IQGAP2: variants seen among roughly 807,000 people sequenced by gnomAD.
IQGAP2 encodes the protein IQ motif containing GTPase activating protein 2.
IQGAP2 carries 173 observed loss-of-function variants against 201.3 expected under a neutral mutation model. That is an observed-to-expected ratio of 0.86 (90% confidence interval 0.76 to 0.98). The LOEUF (loss-of-function observed/expected upper bound fraction) is 0.98, where lower values mean the gene tolerates loss of function less well. Ranked by LOEUF, IQGAP2 falls within the 50% of genes least tolerant of loss-of-function variation. The probability of loss-of-function intolerance (pLI) is 0.00; values close to 1 mark genes in which losing one functional copy is unlikely to be tolerated. For missense variants in IQGAP2, 1,687 were observed against 1,864.8 expected, an observed-to-expected ratio of 0.90 and a Z score of 1.76; for synonymous variants, 675 against 673.9, an observed-to-expected ratio of 1.00 and a Z score of -0.03.
chr5:76,611,258 C>CGTAAATGGGTCAAATCCT, intron 13 of IQGAP2, 75 bp downstream of exon 13: 1 of 1,135,254 alleles, frequency 8.8e-7, no homozygotes, highest in Non-Finnish European at 1.3e-6. Context: ...GAGGATTTGA[C>CGTAAATGGGTCAAATCCT]CCATTTACGT....
chr5:76,546,677 T>C (rs1743117920), intron 2 of IQGAP2, among the ~76,000 whole-genome samples: 1 of 152,186 alleles, frequency 6.6e-6, no homozygotes, highest in Admixed American at 6.5e-5. Context: ...CTGCTCTCTG[T>C]AGTCAGGATT....
chr5:76,685,492 A>C (rs932745549), intron 30 of IQGAP2, among the ~76,000 whole-genome samples: 1 of 152,236 alleles, frequency 6.6e-6, no homozygotes, highest in African/African-American at 2.4e-5. Context: ...AAAGTATCAG[A>C]TAATCTGAAT....
At chr5:76,660,379 A>T (rs1188615382) in intron 21 of IQGAP2, 3 of 152,254 alleles carry the variant, frequency 2.0e-5, no homozygotes, top group African/African-American at 4.8e-5. Flanking sequence ...AGTACTTTTT[A>T]AAAAACAATG....
chr5:76,627,448 G>A lies in IQGAP2; in HGVS notation c.1560G>A (p.Glu520=). 1 of 1,604,128 alleles carries A rather than the reference G, an allele frequency of 6.2e-7. No homozygotes were observed. Among genetic ancestry groups the A allele is most frequent in the Non-Finnish European group, 8.5e-7 (1 of 1,170,958 alleles). Residue 520 remains glutamate, a synonymous_variant, in exon 14 of 36, where the codon GAG becomes GAA. Transcript: ENST00000274364. ...ESVSKVLWLD[E]IQQAVDDANV... ...TTTCCAAAGTGCTTTGGCTGGATGA[G>A]ATACAGCAAGCCGTCGATGATGCCA...
intron 35 of IQGAP2, among the ~76,000 whole-genome samples, chr5:76,703,144 T>G (rs1747562695): frequency 2.3e-5 from 1 of 43,298 alleles, no homozygotes. Context: ...TTTTTCTTTT[T>G]TGTGGGGGGA....
At chr5:76,588,504 A>T (rs1561487216) in intron 5 of IQGAP2, among the ~76,000 whole-genome samples, 6 of 152,276 alleles carry the variant, frequency 3.9e-5, no homozygotes. Flanking sequence ...TTGGAGGAAT[A>T]TTAAAAAGCA....
intron 21 of IQGAP2, among the ~76,000 whole-genome samples, chr5:76,661,756 T>C (rs1743268021): frequency 6.6e-6 from 1 of 152,192 alleles, no homozygotes; most frequent in African/African-American, 2.4e-5. Flanking sequence ...CCTGTGTAGG[T>C]TTACCAAGCT....
At position 76,698,092 on chromosome 5, in the gene IQGAP2, C is replaced by A. The variant is rs773756229; in HGVS notation, c.4312C>A (p.Gln1438Lys). ...CAAGAAGGCAGCATTTTATGAAGAG[C>A]AAATCAATTATTATGACACCTACAT... ...LNKKAAFYEE[Q>K]INYYDTYIKT... The change falls in exon 33 of 36, where the codon CAA (glutamine) becomes AAA (lysine). Residue 1438 changes from glutamine (Q) to lysine (K), a missense_variant. Transcript: ENST00000274364. 1.5e-5 allele frequency: 24 copies of A among 1,611,280 alleles called. No homozygotes were observed. Among genetic ancestry groups the A allele is most frequent in the Non-Finnish European group, 1.9e-5 (22 of 1,177,730 alleles).
At chr5:76,542,674 A>G (rs1742853587) in intron 2 of IQGAP2, among the ~76,000 whole-genome samples, 1 of 152,242 alleles carries the variant, frequency 6.6e-6, no homozygotes, top group South Asian at 2.1e-4. Context: ...CTTGAGGGAC[A>G]GGTCTTATCA....
chr5:76,609,002 C>A, intron 12 of IQGAP2: 1 of 1,231,158 alleles, frequency 8.1e-7, no homozygotes, highest in South Asian at 1.4e-5. Flanking sequence ...ATAGGATTTC[C>A]CTTTTATTTA....
chr5:76,552,395 A>C (rs531275187), intron 2 of IQGAP2, among the ~76,000 whole-genome samples: 42 of 152,308 alleles, frequency 2.8e-4, no homozygotes, highest in African/African-American at 8.7e-4. Context: ...GGATAAGCTG[A>C]GAATTTTCCA....
intron 2 of IQGAP2, among the ~76,000 whole-genome samples, chr5:76,509,984 CTT>C (rs11331690): frequency 0.2 from 27,889 of 138,128 alleles, 2,569 homozygotes; most frequent in Admixed American, 0.26. Context: ...AATTTTCTTT[CTT>C]TTTTTTTTTT....
At chr5:76,533,729 G>A (rs1046608200) in intron 2 of IQGAP2, among the ~76,000 whole-genome samples, 2 of 151,902 alleles carry the variant, frequency 1.3e-5, no homozygotes, top group African/African-American at 4.8e-5. Context: ...TAGTAGAGAC[G>A]GGGTTTCACC....
At chr5:76,418,534 C>CA (rs1355128948) in intron 1 of IQGAP2, among the ~76,000 whole-genome samples, 6 of 145,464 alleles carry the variant, frequency 4.1e-5, no homozygotes, top group African/African-American at 1.3e-4. Flanking sequence ...TCTGTTTCTA[C>CA]AAAAAATCTT....
At chr5:76,608,196 A>G (rs1355892155) in intron 12 of IQGAP2, 1 of 152,212 alleles carries the variant, frequency 6.6e-6, no homozygotes, top group Admixed American at 6.5e-5. Flanking sequence ...TTTATCTATC[A>G]AGGTAACAGC....
intron 1 of IQGAP2, chr5:76,404,628 T>A: frequency 3.2e-6 from 1 of 310,450 alleles, no homozygotes; most frequent in Non-Finnish European, 4.7e-6. Flanking sequence ...CTGACTTGCT[T>A]AACTGAAAAA....
Position 76,687,790 on chromosome 5 carries a change from G to T in IQGAP2, c.3905+3873G>T, listed in dbSNP as rs558562359. Among the ~76,000 whole-genome samples, 88 of 152,298 alleles carry T rather than the reference G, an allele frequency of 5.8e-4. 1 individual carries two copies. In the South Asian group the frequency reaches 0.012, roughly 20 times the overall value. ...CATCACCCACAGATGGGACTGTCTA[G>T]TTGTAGGAAAACAAGCTCAGGGCAT... is the stretch of plus-strand genomic sequence containing the variant. On this transcript the variant is annotated intron_variant, in intron 30 of 35. Coordinates refer to ENST00000274364, the MANE Select transcript of IQGAP2 (RefSeq NM_006633.5).
At chr5:76,534,773 C>A (rs1266941696) in intron 2 of IQGAP2, among the ~76,000 whole-genome samples, 2 of 152,180 alleles carry the variant, frequency 1.3e-5, no homozygotes, top group African/African-American at 4.8e-5. Context: ...ACAGTCAGAT[C>A]AAGGCTTATT....
chr5:76,641,760 T>C (rs1751606572), intron 17 of IQGAP2, among the ~76,000 whole-genome samples: 2 of 152,168 alleles, frequency 1.3e-5, no homozygotes, highest in Non-Finnish European at 2.9e-5. Context: ...TTTGTTCTTT[T>C]TATTGTGAGT....
Sources: gnomAD v4.1 joint callset for allele counts (sites outside exome capture counted in the v4.1 genomes callset) on GRCh38, gnomAD v4.1.1 for gene constraint, MANE v1.5 for transcripts, NCBI Gene and HGNC (gene_info 2026-07-23, HGNC 2026-07-21) for gene names.